LRRC49: variants seen among roughly 807,000 people sequenced by gnomAD.
LRRC49 encodes leucine-rich repeat-containing protein 49.
Under a neutral mutation model 83.3 loss-of-function variants are expected in LRRC49, and 50 were observed. That is an observed-to-expected ratio of 0.60 (90% CI 0.48 to 0.76). The LOEUF (loss-of-function observed/expected upper bound fraction) is 0.76. LRRC49 is among the 30% of genes least tolerant of loss of function. LRRC49 has a pLI of 0.00. For synonymous variants in LRRC49, 286 were observed against 283.3 expected (o/e 1.01, Z -0.10); for missense variants, 704 against 809.1 (o/e 0.87, Z 1.58).
chr15:70,919,063 A>G lies in LRRC49; in HGVS notation c.581A>G (p.Glu194Gly). ...TTTCTTTAACAGATTACCAAAATTG[A>G]AAATATTAATCATTTGTGTGAGTTG... ...DLHGNQITKIENINHLCELRV... is the reference protein window; with the variant it reads ...DLHGNQITKIGNINHLCELRV... The change falls in exon 7 of 16, where the codon GAA becomes GGA. Residue 194 changes from glutamate to glycine, a missense_variant. Physicochemically the swap from Glu to Gly is moderately conservative, Grantham distance 98 (BLOSUM62 -2). Around this residue, in one of 3 missense-constraint regions of LRRC49, gnomAD observed 261 missense variants for 330.5 expected, o/e 0.79. Coordinates refer to ENST00000260382, the MANE Select transcript of LRRC49 (RefSeq NM_017691.5). 6.2e-7 allele frequency: 1 copy of G among 1,611,064 alleles called. No individual in the cohort carries two copies. Among genetic ancestry groups the G allele is most frequent in the Non-Finnish European group, 8.5e-7 (1 of 1,178,648 alleles).
chr15:70,950,234 G>T (rs1184207263), intron 8 of LRRC49, among the ~76,000 whole-genome samples: 2 of 152,172 alleles, frequency 1.3e-5, no homozygotes, highest in Admixed American at 6.5e-5. Flanking sequence ...GGTTGATTCC[G>T]TGTCTGCTGT....
At chr15:70,918,500 C>A (rs1159214143) in intron 6 of LRRC49, 4 of 152,334 alleles carry the variant, frequency 2.6e-5, no homozygotes, top group African/African-American at 7.2e-5. Flanking sequence ...ATTAATGGAA[C>A]AGCTTTCCAT....
At chr15:70,858,817 C>T (rs2141067625) in intron 1 of LRRC49, 1 of 809,462 alleles carries the variant, frequency 1.2e-6, no homozygotes. Flanking sequence ...GCATCAGCAC[C>T]TGAGATTCTC....
At chr15:70,933,761 C>T (rs561977012) in intron 7 of LRRC49, among the ~76,000 whole-genome samples, 1 of 152,236 alleles carries the variant, frequency 6.6e-6, no homozygotes, top group South Asian at 2.1e-4. Flanking sequence ...TCTTTCAATG[C>T]AGGGGCTTAA....
At chr15:70,902,347 A>T (rs903395740) in intron 4 of LRRC49, among the ~76,000 whole-genome samples, 1 of 152,144 alleles carries the variant, frequency 6.6e-6, no homozygotes, top group African/African-American at 2.4e-5. Flanking sequence ...AATTGTGAAG[A>T]TGGGTCCTTA....
chr15:70,911,831 T>C (rs181846007), intron 6 of LRRC49, among the ~76,000 whole-genome samples: 117 of 152,262 alleles, frequency 7.7e-4, no homozygotes, highest in Middle Eastern at 3.4e-3. Context: ...ATTTTGTTTT[T>C]TATTAACTTA....
At chr15:70,868,129 T>TA (rs2032951964) in intron 1 of LRRC49, among the ~76,000 whole-genome samples, 1 of 152,160 alleles carries the variant, frequency 6.6e-6, no homozygotes, top group Admixed American at 6.5e-5. Context: ...CCACAGCTGC[T>TA]AAAGAAAACT....
intron 15 of LRRC49, 35 bp from the exon 16 acceptor site, chr15:71,049,374 T>C (rs369474906): frequency 2.9e-6 from 4 of 1,386,080 alleles, no homozygotes; most frequent in African/African-American, 2.9e-5. Flanking sequence ...GGATTAGTTA[T>C]GATTTAATAC....
intron 6 of LRRC49, among the ~76,000 whole-genome samples, chr15:70,917,513 A>C (rs2034831968): frequency 6.6e-6 from 1 of 152,202 alleles, no homozygotes; most frequent in East Asian, 1.9e-4. Context: ...CATTGGGATG[A>C]CCATCTGCAG....
intron 2 of LRRC49, among the ~76,000 whole-genome samples, chr15:70,895,315 A>G (rs1000629484): frequency 2.0e-5 from 3 of 152,288 alleles, no homozygotes; most frequent in African/African-American, 7.2e-5. Context: ...CAATTTTATT[A>G]TATTATAATA....
chr15:71,047,172 C>T (rs2039877579), intron 15 of LRRC49, among the ~76,000 whole-genome samples: 1 of 152,054 alleles, frequency 6.6e-6, no homozygotes, highest in African/African-American at 2.4e-5. Context: ...GCTATTCGGG[C>T]TCTTTTTTGG....
At position 71,008,395 on chromosome 15, in the gene LRRC49, C is replaced by A. The variant is rs779606094; in HGVS notation, c.1186C>A (p.Leu396Ile). 2 of 1,611,850 alleles carry A rather than the reference C, an allele frequency of 1.2e-6. No homozygotes were observed. The highest frequency in any genetic ancestry group is 1.7e-6 in the Non-Finnish European group (2 of 1,178,354). The change falls in exon 12 of 16, where the codon CTC becomes ATC. Residue 396 changes from leucine to isoleucine, a missense_variant. Coordinates refer to ENST00000260382, the MANE Select transcript of LRRC49 (RefSeq NM_017691.5). ...GTTTTCCAGGCCTCTAGACTCAGGA[C>A]TCAACAATGCTTTACAAGGTTTATC... ...PEETGPLDSG[L>I]NNALQGLSVI...
At chr15:70,895,966 G>A in intron 3 of LRRC49, 30 bp downstream of exon 3, 1 of 1,270,882 alleles carries the variant, frequency 7.9e-7, no homozygotes, top group South Asian at 1.3e-5. Context: ...ATCAGATGTG[G>A]TTCATCATCT....
intron 9 of LRRC49, among the ~76,000 whole-genome samples, chr15:70,975,669 G>C (rs1190748738): frequency 6.6e-6 from 1 of 152,012 alleles, no homozygotes; most frequent in East Asian, 1.9e-4. Context: ...CTCAAGCCTG[G>C]GGGACAGAAT....
chr15:70,898,517 G>C (rs558609799), intron 3 of LRRC49: 1 of 655,414 alleles, frequency 1.5e-6, no homozygotes, highest in African/African-American at 1.8e-5. Context: ...GCTCATGCCT[G>C]TAACCCCAGC....
chr15:70,921,285 T>C (rs1383673889), intron 7 of LRRC49, among the ~76,000 whole-genome samples: 1 of 152,198 alleles, frequency 6.6e-6, no homozygotes, highest in African/African-American at 2.4e-5. Flanking sequence ...GCCATTTCTT[T>C]TTTCCCTCTG....
chr15:70,940,343 G>A lies in LRRC49; in HGVS notation c.773+3521G>A, dbSNP rs1361833194. Among the ~76,000 whole-genome samples, 9 of 142,012 alleles carry A rather than the reference G, an allele frequency of 6.3e-5. No homozygotes were observed. The South Asian group carries it at 7.0e-4, about 11-fold the overall frequency. 93.2% of individuals were successfully genotyped at this position (142,012 alleles called of 152,430 possible). On this transcript the variant is annotated intron_variant, in intron 8 of 15. Transcript: ENST00000260382. ...GCAATCTCAGCTCACTGCAAGCTCC[G>A]CCTCCTGGGTTCATGGCATTCTCCT...
chr15:71,052,140 A>G lies in LRRC49; in HGVS notation c.*2528A>G, dbSNP rs1269719747. 6.6e-6 allele frequency: 1 copy of G among 152,150 alleles called. No homozygotes were observed. The highest frequency in any genetic ancestry group is 1.9e-4 in the East Asian group (1 of 5,188). 9.4% of individuals were successfully genotyped at this position (152,150 alleles called of 1,614,324 possible). A position where few individuals can be genotyped will look rare whatever the true frequency, so the allele number is the denominator to read the frequency against. ...GGATCAAGTGAGGGTCCTATGTTGT[A>G]AGTGAGTGGTGATCTAGGGAACAAA... is the stretch of plus-strand genomic sequence containing the variant. On this transcript the variant is annotated 3_prime_UTR_variant, in exon 16 of 16. Transcript: ENST00000260382.
chr15:70,988,818 T>G (rs922829160), intron 11 of LRRC49, among the ~76,000 whole-genome samples: 12 of 152,284 alleles, frequency 7.9e-5, no homozygotes, highest in Non-Finnish European at 1.6e-4. Context: ...AGGAGCTCTT[T>G]TAGGGCAGGC....
Sources: allele counts gnomAD v4.1 joint callset (sites outside exome capture counted in the v4.1 genomes callset), GRCh38; gene constraint gnomAD v4.1.1; regional missense constraint gnomAD v4.1.1; transcripts MANE v1.5; gene names NCBI Gene and HGNC (gene_info 2026-07-23, HGNC 2026-07-21).